The following MAGI3 variants were observed in gnomAD, a reference collection of about 807,000 sequenced individuals.
The protein encoded by MAGI3 is membrane-associated guanylate kinase, WW and PDZ domain-containing protein 3.
Under a neutral mutation model 121.8 loss-of-function variants are expected in MAGI3, and 43 were observed. That is an observed-to-expected ratio of 0.35 (90% CI 0.28 to 0.46). MAGI3 has a LOEUF of 0.46. Among genes scored for constraint, MAGI3 ranks in the 20% least tolerant of loss-of-function variants. The pLI is 1.00. For synonymous variants in MAGI3, 553 were observed against 639.3 expected, an observed-to-expected ratio of 0.86 and a Z score of 2.04; for missense variants, 1,547 against 1,797.3, an observed-to-expected ratio of 0.86 and a Z score of 2.52.
chr1:113,558,418 A>G (rs1209471216), intron 2 of MAGI3, among the ~76,000 whole-genome samples: 1 of 152,232 alleles, frequency 6.6e-6, no homozygotes, highest in African/African-American at 2.4e-5. Context: ...TGCAATCACA[A>G]GTATTCATAG....
At chr1:113,679,100 C>T (rs1648049099) in intron 19 of MAGI3, among the ~76,000 whole-genome samples, 1 of 151,942 alleles carries the variant, frequency 6.6e-6, no homozygotes, top group Admixed American at 6.5e-5. Context: ...TATATTTTTT[C>T]AACTTTTTTT....
At chr1:113,542,345 G>T (rs1217227092) in intron 1 of MAGI3, among the ~76,000 whole-genome samples, 1 of 24,154 alleles carries the variant, frequency 4.1e-5, no homozygotes, top group African/African-American at 5.6e-5. Context: ...GACGGTATGG[G>T]AGTTGAGTTC....
At chr1:113,641,006 A>AT (rs1557868753) in intron 9 of MAGI3, among the ~76,000 whole-genome samples, 10 of 52,928 alleles carry the variant, frequency 1.9e-4, no homozygotes, top group Non-Finnish European at 2.6e-4. Context: ...TGATATATAT[A>AT]ATATATATGA....
chr1:113,416,162 TATTATGTAATTAATGACACATATTA>T (rs1557744014), intron 1 of MAGI3, among the ~76,000 whole-genome samples: 1 of 46,394 alleles, frequency 2.2e-5, no homozygotes, highest in African/African-American at 8.3e-5. Flanking sequence ...TGACACATAT[TATTATGTAATTAATGACACATATTA>T]ATTATGTAAT....
intron 1 of MAGI3, among the ~76,000 whole-genome samples, chr1:113,503,591 A>G (rs1657157323): frequency 6.6e-6 from 1 of 152,092 alleles, no homozygotes; most frequent in Non-Finnish European, 1.5e-5. Flanking sequence ...CTATAACTGT[A>G]AGGTCAGAAT....
At chr1:113,597,532 A>C (rs1479500096) in intron 6 of MAGI3, among the ~76,000 whole-genome samples, 1 of 152,194 alleles carries the variant, frequency 6.6e-6, no homozygotes, top group Non-Finnish European at 1.5e-5. Context: ...AAGAAGATAA[A>C]AGAAGAGTCA....
chr1:113,441,560 G>A (rs879530383), intron 1 of MAGI3, among the ~76,000 whole-genome samples: 16 of 152,116 alleles, frequency 1.1e-4, no homozygotes, highest in Admixed American at 1.0e-3. Flanking sequence ...CACTATATAT[G>A]ATTCCTTTAG....
At chr1:113,531,898 T>A (rs891167286) in intron 1 of MAGI3, among the ~76,000 whole-genome samples, 6 of 152,174 alleles carry the variant, frequency 3.9e-5, no homozygotes, top group African/African-American at 1.4e-4. Context: ...GAAGTAGAGC[T>A]TTTCAAATTG....
intron 9 of MAGI3, among the ~76,000 whole-genome samples, chr1:113,631,862 TG>T: frequency 6.6e-6 from 1 of 152,220 alleles, no homozygotes; most frequent in Non-Finnish European, 1.5e-5. Flanking sequence ...TGGTAATTGC[TG>T]GATATTTTAA....
chr1:113,466,558 T>C (rs1655297427), intron 1 of MAGI3, among the ~76,000 whole-genome samples: 1 of 152,118 alleles, frequency 6.6e-6, no homozygotes, highest in Non-Finnish European at 1.5e-5. Flanking sequence ...TTGATATTTG[T>C]TTGTCCTTAA....
chr1:113,473,084 CATTTT>C, intron 1 of MAGI3, among the ~76,000 whole-genome samples: 1 of 152,192 alleles, frequency 6.6e-6, no homozygotes, highest in South Asian at 2.1e-4. Context: ...AGCATTCTTT[CATTTT>C]AAGTTGAAGA....
chr1:113,606,256 C>T (rs1173993341), intron 6 of MAGI3, among the ~76,000 whole-genome samples: 1 of 152,100 alleles, frequency 6.6e-6, no homozygotes, highest in Non-Finnish European at 1.5e-5. Context: ...TGTGAGCCAC[C>T]ATGCCCAGCC....
At chr1:113,462,489 A>C (rs889231139) in intron 1 of MAGI3, among the ~76,000 whole-genome samples, 1 of 152,186 alleles carries the variant, frequency 6.6e-6, no homozygotes, top group Non-Finnish European at 1.5e-5. Flanking sequence ...GTTCACACTT[A>C]CAAGTGGGAG....
intron 1 of MAGI3, among the ~76,000 whole-genome samples, chr1:113,420,119 G>A (rs951841026): frequency 1.3e-5 from 2 of 152,154 alleles, no homozygotes; most frequent in African/African-American, 4.8e-5. Context: ...GGATGGAGTG[G>A]GCAGTCTCAG....
rs1039701149 is a variant in MAGI3, at chr1:113,605,639, G to A, written c.1019-8962G>A. On this transcript the variant is annotated intron_variant, in intron 6 of 20. Coordinates refer to ENST00000307546, the MANE Select transcript of MAGI3 (RefSeq NM_001142782.2). ...CCCCGAGACGGAGTCATGCTCTGTC[G>A]AACAGGCTGGAGTGCAGTGGCGCAA... 2.6e-5 allele frequency among the ~76,000 whole-genome samples: 4 copies of A among 151,450 alleles called. No homozygotes were observed. The South Asian group carries it at 6.3e-4, about 24-fold the overall frequency.
intron 1 of MAGI3, among the ~76,000 whole-genome samples, chr1:113,428,484 T>C (rs1048760911): frequency 6.6e-6 from 1 of 152,330 alleles, no homozygotes; most frequent in East Asian, 1.9e-4. Context: ...CAGTGGCAAC[T>C]GGTCCAACTC....
chr1:113,399,664 TA>T (rs149870892), intron 1 of MAGI3, among the ~76,000 whole-genome samples: 1,572 of 152,260 alleles, frequency 0.01, 19 homozygotes, highest in South Asian at 0.033. Flanking sequence ...GTGCACAATT[TA>T]AAAGTATTTC....
intron 16 of MAGI3, among the ~76,000 whole-genome samples, chr1:113,669,897 G>A (rs977751787): frequency 3.3e-5 from 5 of 151,574 alleles, no homozygotes; most frequent in Non-Finnish European, 7.4e-5. Context: ...AGTCTAAGGT[G>A]GCAAAGAGAG....
chr1:113,514,766 T>G (rs1392074327), intron 1 of MAGI3, among the ~76,000 whole-genome samples: 2 of 152,084 alleles, frequency 1.3e-5, no homozygotes, highest in Non-Finnish European at 2.9e-5. Context: ...CCCTAAAACT[T>G]AAAGTATAAT....
Sources: gnomAD v4.1 joint callset for allele counts (sites outside exome capture counted in the v4.1 genomes callset) on GRCh38, gnomAD v4.1.1 for gene constraint, MANE v1.5 for transcripts, NCBI Gene and HGNC (gene_info 2026-07-23, HGNC 2026-07-21) for gene names.